The following CTNNBL1 variants were observed in gnomAD, a reference collection of about 807,000 sequenced individuals.
The protein encoded by CTNNBL1 is beta-catenin-like protein 1.
In CTNNBL1, 31 loss-of-function variants were observed where a neutral mutation model predicts 72.7. That is an observed-to-expected ratio of 0.43 (90% CI 0.32 to 0.58). The LOEUF (loss-of-function observed/expected upper bound fraction) is 0.58. Among genes scored for constraint, CTNNBL1 ranks in the 20% least tolerant of loss-of-function variants. CTNNBL1 has a pLI of 0.08. For missense variants in CTNNBL1, 534 were observed against 725.1 expected, an observed-to-expected ratio of 0.74 and a Z score of 3.03; for synonymous variants, 240 against 267.3, an observed-to-expected ratio of 0.90 and a Z score of 1.00.
chr20:37,803,936 C>A (rs936395758), intron 11 of CTNNBL1, among the ~76,000 whole-genome samples: 1 of 151,772 alleles, frequency 6.6e-6, no homozygotes, highest in Non-Finnish European at 1.5e-5. Context: ...TCCTCATAGA[C>A]GAAAGTTTGA....
intron 11 of CTNNBL1, among the ~76,000 whole-genome samples, chr20:37,834,013 AC>A (rs2072234125): frequency 6.6e-6 from 1 of 152,174 alleles, no homozygotes; most frequent in Non-Finnish European, 1.5e-5. Flanking sequence ...TCAATTGGCA[AC>A]CTATCCTTCA....
At chr20:37,816,315 C>A (rs571577048) in intron 11 of CTNNBL1, among the ~76,000 whole-genome samples, 8 of 152,240 alleles carry the variant, frequency 5.3e-5, no homozygotes, top group African/African-American at 1.9e-4. Flanking sequence ...GGAGCTGGTC[C>A]TGGGGGTGAT....
chr20:37,733,834 A>G (rs6067463), intron 2 of CTNNBL1, among the ~76,000 whole-genome samples: 49,038 of 152,062 alleles, frequency 0.32, 7,997 homozygotes, highest in African/African-American at 0.34. Flanking sequence ...TCAGCCTCCC[A>G]TGAAAACAGA....
At chr20:37,699,736 A>G (rs1022846606) in intron 1 of CTNNBL1, among the ~76,000 whole-genome samples, 1 of 152,102 alleles carries the variant, frequency 6.6e-6, no homozygotes, top group East Asian at 1.9e-4. Context: ...CTCCTGTGGG[A>G]CTTTAGATTC....
chr20:37,777,748 T>C (rs367610015), intron 9 of CTNNBL1, 36 bp downstream of exon 9: 383 of 1,601,082 alleles, frequency 2.4e-4, no homozygotes, highest in Admixed American at 2.5e-4. Flanking sequence ...TGCTGTAAGA[T>C]ACATGGTCTG....
At chr20:37,788,875 C>T (rs2073700924) in intron 10 of CTNNBL1, among the ~76,000 whole-genome samples, 1 of 152,204 alleles carries the variant, frequency 6.6e-6, no homozygotes, top group South Asian at 2.1e-4. Flanking sequence ...CCTCTCTCCT[C>T]TAGTTTTCCC....
At chr20:37,736,978 C>G (rs2073176823) in intron 2 of CTNNBL1, among the ~76,000 whole-genome samples, 1 of 151,996 alleles carries the variant, frequency 6.6e-6, no homozygotes, top group African/African-American at 2.4e-5. Flanking sequence ...AATCCCAGCA[C>G]TTTGGGAGGC....
intron 15 of CTNNBL1, among the ~76,000 whole-genome samples, chr20:37,863,047 C>T (rs1381664677): frequency 1.3e-5 from 2 of 152,280 alleles, no homozygotes; most frequent in South Asian, 2.1e-4. Flanking sequence ...AGAGCAATGC[C>T]AAGCAAATAA....
At chr20:37,712,564 T>G (rs1468432519) in intron 1 of CTNNBL1, among the ~76,000 whole-genome samples, 1 of 152,246 alleles carries the variant, frequency 6.6e-6, no homozygotes, top group Non-Finnish European at 1.5e-5. Context: ...TTGCTGTCAG[T>G]TGTGTAAGTG....
intron 1 of CTNNBL1, among the ~76,000 whole-genome samples, chr20:37,716,932 T>C (rs1176586103): frequency 6.6e-6 from 1 of 152,166 alleles, no homozygotes; most frequent in Non-Finnish European, 1.5e-5. Context: ...ACAATGGCAA[T>C]GTCTAAGGTC....
intron 11 of CTNNBL1, among the ~76,000 whole-genome samples, chr20:37,839,286 G>A (rs2072280670): frequency 6.6e-6 from 1 of 152,138 alleles, no homozygotes. Context: ...ATGCTCATCA[G>A]TTTTCAAATA....
intron 1 of CTNNBL1, chr20:37,727,325 C>T (rs2073093452): frequency 7.7e-5 from 76 of 984,664 alleles, no homozygotes; most frequent in Non-Finnish European, 9.2e-5. Context: ...GACACGCACA[C>T]ACACAGGCAA....
chr20:37,700,055 C>A (rs1166925732), intron 1 of CTNNBL1, among the ~76,000 whole-genome samples: 1 of 152,150 alleles, frequency 6.6e-6, no homozygotes, highest in Non-Finnish European at 1.5e-5. Flanking sequence ...TAGACCGGGG[C>A]TCCAGAGATT....
intron 1 of CTNNBL1, among the ~76,000 whole-genome samples, chr20:37,722,759 C>T (rs2073052049): frequency 6.6e-6 from 1 of 152,068 alleles, no homozygotes; most frequent in African/African-American, 2.4e-5. Flanking sequence ...AGTGATTTAC[C>T]ACTAGAACCC....
At chr20:37,862,081 T>A (rs1462368809) in intron 15 of CTNNBL1, among the ~76,000 whole-genome samples, 1 of 151,450 alleles carries the variant, frequency 6.6e-6, no homozygotes, top group Non-Finnish European at 1.5e-5. Context: ...TTGGAATCTG[T>A]TGTTTTCTCC....
chr20:37,799,021 C>T (rs2073801647), intron 10 of CTNNBL1, among the ~76,000 whole-genome samples: 1 of 152,074 alleles, frequency 6.6e-6, no homozygotes, highest in African/African-American at 2.4e-5. Flanking sequence ...ACAAAAAATC[C>T]CTTCGTACTG....
chr20:37,753,332 TAAG>T (rs1037120443), intron 4 of CTNNBL1, among the ~76,000 whole-genome samples: 4 of 152,214 alleles, frequency 2.6e-5, no homozygotes, highest in Non-Finnish European at 5.9e-5. Flanking sequence ...TGAAATATGA[TAAG>T]AAACAAGTTT....
intron 3 of CTNNBL1, among the ~76,000 whole-genome samples, 193 bp from the exon 4 acceptor site, chr20:37,746,275 A>G (rs1427688106): frequency 6.6e-6 from 1 of 152,150 alleles, no homozygotes; most frequent in Non-Finnish European, 1.5e-5. Flanking sequence ...TGAATCCAAG[A>G]TTGATTTTTG....
intron 3 of CTNNBL1, among the ~76,000 whole-genome samples, chr20:37,746,012 A>G (rs552090936): frequency 5.3e-5 from 8 of 152,272 alleles, no homozygotes; most frequent in Admixed American, 1.3e-4. Flanking sequence ...GCATTTTTGG[A>G]TACAGAAAAT....
Sources: allele counts gnomAD v4.1 joint callset (sites outside exome capture counted in the v4.1 genomes callset), GRCh38; gene constraint gnomAD v4.1.1; transcripts MANE v1.5; gene names NCBI Gene and HGNC (gene_info 2026-07-23, HGNC 2026-07-21).